Variants in SYNDIG1 observed in about 807,000 individuals in gnomAD.
SYNDIG1 encodes synapse differentiation-inducing gene protein 1.
SYNDIG1 carries 9 observed loss-of-function variants against 19.4 expected under a neutral mutation model. The observed-to-expected ratio is 0.46, with a 90% CI of 0.28 to 0.81. The LOEUF is 0.81. Ranked by LOEUF, SYNDIG1 falls within the 30% of genes least tolerant of loss-of-function variation. SYNDIG1 has a pLI of 0.12. For missense variants in SYNDIG1, 311 were observed against 343.3 expected (o/e 0.91, Z 0.74); for synonymous variants, 141 against 145.9 (o/e 0.97, Z 0.24).
At chr20:24,634,337 T>C (rs2059292410) in intron 3 of SYNDIG1, among the ~76,000 whole-genome samples, 1 of 152,242 alleles carries the variant, frequency 6.6e-6, no homozygotes, top group Admixed American at 6.5e-5. Flanking sequence ...ACAGTAATGT[T>C]TTCCCTAAAA....
At chr20:24,529,078 G>A (rs1282738570) in intron 1 of SYNDIG1, among the ~76,000 whole-genome samples, 1 of 152,194 alleles carries the variant, frequency 6.6e-6, no homozygotes, top group Non-Finnish European at 1.5e-5. Context: ...TTAGAGGTGA[G>A]AATGCGTTCA....
intron 3 of SYNDIG1, among the ~76,000 whole-genome samples, chr20:24,587,157 G>A (rs1230866280): frequency 1.3e-5 from 2 of 152,212 alleles, no homozygotes; most frequent in Non-Finnish European, 2.9e-5. Context: ...TGGAGGTGAA[G>A]TGGAAACATT....
intron 3 of SYNDIG1, among the ~76,000 whole-genome samples, chr20:24,655,659 T>G (rs146173453): frequency 8.5e-5 from 13 of 152,284 alleles, no homozygotes; most frequent in African/African-American, 2.9e-4. Flanking sequence ...TACCAAACAC[T>G]GTGAACATAT....
chr20:24,638,985 C>T lies in SYNDIG1; in HGVS notation c.619-26361C>T, dbSNP rs554248589. On this transcript the variant is annotated intron_variant, in intron 3 of 3. Transcript: ENST00000376862. The stretch of plus-strand genomic sequence containing the variant: ...CTGGAAGACAACCTGCTGGGCCTCC[C>T]TGCCAGCGTGGTGGGTGCAGCTGAC... 2.6e-5 allele frequency among the ~76,000 whole-genome samples: 4 copies of T among 152,194 alleles called. No homozygotes were observed. In the South Asian group the frequency reaches 8.3e-4, roughly 32 times the overall value.
In SYNDIG1 at chr20:24,543,392, C is replaced by T. The variant is rs778982695; in HGVS notation, c.295C>T (p.Leu99=). ...CATCATCCTCTATTCAGAGGGCGTG[C>T]TGCGCTCCTGGGGGGACGGTGTGGC... ...PNIILYSEGV[L]RSWGDGVAAD... The change falls in exon 2 of 4, where the codon CTG becomes TTG. Residue 99 remains leucine (L), a synonymous_variant. Coordinates refer to ENST00000376862, the MANE Select transcript of SYNDIG1 (RefSeq NM_024893.3). The T allele has an allele frequency of 1.9e-6, 3 of 1,613,660 alleles. No homozygotes were observed. The highest frequency in any genetic ancestry group is 2.5e-6 in the Non-Finnish European group (3 of 1,180,018).
rs976075860 is a variant in SYNDIG1, at chr20:24,472,722, G to A, written c.-79+2969G>A. ...TCTGGAGAGGCATGGCACGCAGGGA[G>A]GCACTGGAGGCAGTGGGAGGGGAGG... On this transcript the variant is annotated intron_variant, in intron 1 of 3. Transcript: ENST00000376862. Among the ~76,000 whole-genome samples, 15 of 152,218 alleles carry A rather than the reference G, an allele frequency of 9.9e-5. 1 individual carries two copies. Among genetic ancestry groups the A allele is most frequent in the African/African-American group, 3.4e-4 (14 of 41,454 alleles).
At chr20:24,561,586 T>A (rs1053069648) in intron 2 of SYNDIG1, among the ~76,000 whole-genome samples, 2 of 152,232 alleles carry the variant, frequency 1.3e-5, no homozygotes, top group Admixed American at 1.3e-4. Context: ...ACTCCCACTG[T>A]TACTACTCAG....
At chr20:24,626,095 C>A (rs2059125426) in intron 3 of SYNDIG1, among the ~76,000 whole-genome samples, 1 of 151,600 alleles carries the variant, frequency 6.6e-6, no homozygotes, top group African/African-American at 2.4e-5. Context: ...AGAGGGGCTC[C>A]TCACTTCCCA....
rs1362851650 is a variant in SYNDIG1, at chr20:24,594,093, T to TGAA, written c.618+9101_618+9103dup. The stretch of plus-strand genomic sequence containing the variant: ...TCTATTGTTTTTGATGTCTTCACTG[T>TGAA]GAAATATTTGCCAAGTCTTATGTCC... On this transcript the variant is annotated intron_variant, in intron 3 of 3. Coordinates refer to ENST00000376862, the MANE Select transcript of SYNDIG1 (RefSeq NM_024893.3). 3.9e-5 allele frequency among the ~76,000 whole-genome samples: 6 copies of TGAA among 152,338 alleles called. No homozygotes were observed. The East Asian group carries it at 1.2e-3, about 29-fold the overall frequency.
chr20:24,543,442 C>A lies in SYNDIG1; in HGVS notation c.345C>A (p.Phe115Leu), dbSNP rs970329738. 3.1e-6 allele frequency: 5 copies of A among 1,613,544 alleles called. No homozygotes were observed. Among genetic ancestry groups the A allele is most frequent in the Non-Finnish European group, 4.2e-6 (5 of 1,180,036 alleles). ...CCGCCGACTGCTGCGAGACCACCTT[C>A]ATCGAGGACCGGTCGCCCACCAAAG... ...GVAADCCETT[F>L]IEDRSPTKDS... Residue 115 changes from phenylalanine to leucine, a missense_variant, in exon 2 of 4, where the codon TTC becomes TTA. By Grantham distance (22) the Phe-to-Leu change is conservative. Coordinates refer to ENST00000376862, the MANE Select transcript of SYNDIG1 (RefSeq NM_024893.3).
chr20:24,516,213 GA>G (rs1568602489), intron 1 of SYNDIG1, among the ~76,000 whole-genome samples: 3 of 151,956 alleles, frequency 2.0e-5, no homozygotes, highest in African/African-American at 7.2e-5. Flanking sequence ...ATGCTAGACC[GA>G]AAACCATAAA....
Position 24,482,830 on chromosome 20 carries a change from T to C in SYNDIG1, c.-79+13077T>C, listed in dbSNP as rs73341667. ...AAGGATGGAAAGCTAAAGGAAAATA[T>C]GTTGAACATTTGTGTGAATATGTTA... On this transcript the variant is annotated intron_variant, in intron 1 of 3. Transcript: ENST00000376862. Among the ~76,000 whole-genome samples, 794 of 152,328 alleles carry C rather than the reference T, an allele frequency of 5.2e-3. 9 individuals carry two copies. Among genetic ancestry groups the C allele is most frequent in the African/African-American group, 0.017 (716 of 41,568 alleles).
intron 3 of SYNDIG1, among the ~76,000 whole-genome samples, chr20:24,635,615 A>G (rs147395250): frequency 2.9e-3 from 439 of 152,334 alleles, no homozygotes; most frequent in Non-Finnish European, 5.2e-3. Context: ...GAGGAGGCCG[A>G]CTAAAGGAGT....
At chr20:24,525,432 A>T (rs6114757) in intron 1 of SYNDIG1, among the ~76,000 whole-genome samples, 1 of 151,614 alleles carries the variant, frequency 6.6e-6, no homozygotes, top group African/African-American at 2.4e-5. Context: ...TTACAGGCAC[A>T]CACCACCATG....
intron 3 of SYNDIG1, among the ~76,000 whole-genome samples, chr20:24,635,070 G>C (rs2059302018): frequency 6.6e-6 from 1 of 152,224 alleles, no homozygotes; most frequent in Non-Finnish European, 1.5e-5. Context: ...GGCGCAGCTG[G>C]GGACAGCACG....
At chr20:24,492,616 T>C (rs913020400) in intron 1 of SYNDIG1, among the ~76,000 whole-genome samples, 4 of 152,138 alleles carry the variant, frequency 2.6e-5, no homozygotes, top group Admixed American at 2.6e-4. Flanking sequence ...GTGGGGTCCT[T>C]AGATCCTTAG....
chr20:24,517,058 A>C (rs546861188), intron 1 of SYNDIG1, among the ~76,000 whole-genome samples: 1 of 152,094 alleles, frequency 6.6e-6, no homozygotes, highest in African/African-American at 2.4e-5. Context: ...AGAACAAAAA[A>C]CCAAACACCG....
chr20:24,535,470 CAT>C lies in SYNDIG1; in HGVS notation c.-78-7549_-78-7548del, dbSNP rs1001900021. On this transcript the variant is annotated intron_variant, in intron 1 of 3. Coordinates refer to ENST00000376862, the MANE Select transcript of SYNDIG1 (RefSeq NM_024893.3). ...AAGATAGACGGGCTTTTAAATTACA[CAT>C]GTCTCTAGGTGTCAACCTTAATCAT... Among the ~76,000 whole-genome samples the C allele has an allele frequency of 4.8e-4, 73 of 152,182 alleles. 1 individual carries two copies. Among genetic ancestry groups the C allele is most frequent in the Non-Finnish European group, 1.5e-4 (10 of 68,040 alleles).
intron 1 of SYNDIG1, among the ~76,000 whole-genome samples, chr20:24,472,145 G>A (rs544016856): frequency 2.3e-4 from 35 of 152,256 alleles, no homozygotes; most frequent in Non-Finnish European, 4.6e-4. Context: ...TAAAAATGAA[G>A]GCCCCCTCCA....
Sources: allele counts gnomAD v4.1 joint callset (sites outside exome capture counted in the v4.1 genomes callset), GRCh38; gene constraint gnomAD v4.1.1; transcripts MANE v1.5; gene names NCBI Gene and HGNC (gene_info 2026-07-23, HGNC 2026-07-21).